DLGAP2: variants seen among roughly 807,000 people sequenced by gnomAD.
The protein encoded by DLGAP2 is DLG associated protein 2, also known as disks large-associated protein 2.
Under a neutral mutation model 100.3 loss-of-function variants are expected in DLGAP2, and 26 were observed. The observed-to-expected ratio is 0.26, with a 90% CI of 0.19 to 0.36. The LOEUF (loss-of-function observed/expected upper bound fraction) is 0.36. Ranked by LOEUF, DLGAP2 falls within the 10% of genes least tolerant of loss-of-function variation. DLGAP2 has a pLI of 1.00. For synonymous variants in DLGAP2, 886 were observed against 630.1 expected (o/e 1.41, Z -6.08); for missense variants, 1,858 against 1,453.2 (o/e 1.28, Z -4.53).
chr8:925,550 T>C (rs1195090175), intron 2 of DLGAP2, among the ~76,000 whole-genome samples: 1 of 152,106 alleles, frequency 6.6e-6, no homozygotes, highest in African/African-American at 2.4e-5. Flanking sequence ...TTAGCACAGC[T>C]TGGATGTCCA....
intron 4 of DLGAP2, among the ~76,000 whole-genome samples, chr8:1,540,120 C>G (rs1165577253): frequency 2.0e-5 from 3 of 152,230 alleles, no homozygotes; most frequent in Non-Finnish European, 4.4e-5. Context: ...CGCACCGTGC[C>G]TGGAACCCTC....
chr8:1,484,701 G>A (rs1008871385), intron 3 of DLGAP2, among the ~76,000 whole-genome samples: 7 of 152,220 alleles, frequency 4.6e-5, no homozygotes, highest in African/African-American at 9.6e-5. Flanking sequence ...TTGTTAGTCC[G>A]TAAACTCTTA....
chr8:909,485 G>C (rs1211240002), intron 2 of DLGAP2, among the ~76,000 whole-genome samples: 1 of 150,146 alleles, frequency 6.7e-6, no homozygotes, highest in Non-Finnish European at 1.5e-5. Context: ...TTGACAGTTT[G>C]TTCTGTAAAT....
At chr8:1,527,937 C>T (rs1394209965) in intron 4 of DLGAP2, among the ~76,000 whole-genome samples, 3 of 151,738 alleles carry the variant, frequency 2.0e-5, no homozygotes, top group South Asian at 2.1e-4. Context: ...AAAAAAAGTT[C>T]ATTCAACTGA....
At chr8:1,346,742 A>C (rs1472345428) in intron 3 of DLGAP2, among the ~76,000 whole-genome samples, 1 of 129,222 alleles carries the variant, frequency 7.7e-6, no homozygotes, top group African/African-American at 3.1e-5. Context: ...GCTGAATTGC[A>C]CTCACGGTAG....
chr8:1,080,634 G>A (rs1014965291), intron 2 of DLGAP2, among the ~76,000 whole-genome samples: 1 of 152,156 alleles, frequency 6.6e-6, no homozygotes, highest in Non-Finnish European at 1.5e-5. Flanking sequence ...CAGGGACCTG[G>A]GCCCTGCGCT....
chr8:1,683,952 GTGTATATATATATATATATATATATA>G (rs1799039470), intron 12 of DLGAP2, among the ~76,000 whole-genome samples: 1 of 20,346 alleles, frequency 4.9e-5, no homozygotes, highest in African/African-American at 2.1e-4. Flanking sequence ...ATATATATGT[GTGTATATATATATATATATATATATA>G]TATATATATA....
At chr8:1,581,565 A>G (rs1021464426) in intron 6 of DLGAP2, among the ~76,000 whole-genome samples, 1 of 152,072 alleles carries the variant, frequency 6.6e-6, no homozygotes, top group African/African-American at 2.4e-5. Flanking sequence ...CCAGAAAGAT[A>G]CAGACAAAAC....
At chr8:1,407,261 T>A (rs572627598) in intron 3 of DLGAP2, among the ~76,000 whole-genome samples, 21 of 19,056 alleles carry the variant, frequency 1.1e-3, no homozygotes, top group Non-Finnish European at 1.5e-3. Context: ...GTGTATTGAG[T>A]GCTTACTGAG....
At chr8:1,353,145 T>C (rs1329746232) in intron 3 of DLGAP2, among the ~76,000 whole-genome samples, 1 of 152,208 alleles carries the variant, frequency 6.6e-6, no homozygotes, top group African/African-American at 2.4e-5. Flanking sequence ...GTCCATTTGC[T>C]TCCCACACCC....
intron 1 of DLGAP2, among the ~76,000 whole-genome samples, chr8:889,151 C>T (rs548258145): frequency 1.6e-4 from 25 of 152,264 alleles, no homozygotes; most frequent in South Asian, 2.1e-4. Context: ...ACAATGTCAT[C>T]AGTTAAGGCA....
intron 1 of DLGAP2, among the ~76,000 whole-genome samples, chr8:805,817 C>G (rs1032664011): frequency 1.3e-5 from 2 of 152,184 alleles, no homozygotes; most frequent in Non-Finnish European, 2.9e-5. Flanking sequence ...AGCCACCGCA[C>G]GCAGCCTGCG....
chr8:1,282,855 G>A (rs13272192), intron 3 of DLGAP2, among the ~76,000 whole-genome samples: 5 of 87,570 alleles, frequency 5.7e-5, no homozygotes, highest in South Asian at 3.9e-4. Context: ...GCATCCGGAC[G>A]TGGTGTGACC....
intron 2 of DLGAP2, among the ~76,000 whole-genome samples, chr8:1,200,412 C>G (rs1000434591): frequency 3.9e-5 from 6 of 152,336 alleles, no homozygotes; most frequent in African/African-American, 1.4e-4. Flanking sequence ...CAGTCACTAG[C>G]AGTTGTTCTG....
At chr8:1,078,179 A>G (rs1386233109) in intron 2 of DLGAP2, among the ~76,000 whole-genome samples, 1 of 152,194 alleles carries the variant, frequency 6.6e-6, no homozygotes, top group Non-Finnish European at 1.5e-5. Context: ...CTCCTGGTTT[A>G]GAACATTTAT....
intron 2 of DLGAP2, among the ~76,000 whole-genome samples, chr8:1,103,316 G>T (rs1201720882): frequency 1.3e-5 from 2 of 151,418 alleles, no homozygotes; most frequent in Non-Finnish European, 2.9e-5. Context: ...GAGTCGTATG[G>T]CCTTGGTTAA....
intron 3 of DLGAP2, among the ~76,000 whole-genome samples, chr8:1,497,540 C>T (rs1799583647): frequency 6.6e-6 from 1 of 152,190 alleles, no homozygotes; most frequent in East Asian, 1.9e-4. Context: ...AGAGAGAGAT[C>T]TACCAGAAGA....
At chr8:1,491,552 G>A (rs557417542) in intron 3 of DLGAP2, among the ~76,000 whole-genome samples, 1 of 152,348 alleles carries the variant, frequency 6.6e-6, no homozygotes, top group Non-Finnish European at 1.5e-5. Context: ...TAAGCATGGT[G>A]GACATATCTT....
intron 3 of DLGAP2, among the ~76,000 whole-genome samples, chr8:1,417,619 G>A (rs1263973357): frequency 7.7e-5 from 1 of 12,920 alleles, no homozygotes; most frequent in Non-Finnish European, 1.8e-4. Flanking sequence ...GGACTTCACT[G>A]CGTGGCCGCC....
Sources: gnomAD v4.1 joint callset for allele counts (sites outside exome capture counted in the v4.1 genomes callset) on GRCh38, gnomAD v4.1.1 for gene constraint, MANE v1.5 for transcripts, NCBI Gene and HGNC (gene_info 2026-07-23, HGNC 2026-07-21) for gene names.